The following TPST1 variants were observed in gnomAD, a reference collection of about 807,000 sequenced individuals.
TPST1 encodes protein-tyrosine sulfotransferase 1.
TPST1 carries 20 observed loss-of-function variants against 34.8 expected under a neutral mutation model. The observed-to-expected ratio is 0.57, with a 90% CI of 0.40 to 0.84. The LOEUF (loss-of-function observed/expected upper bound fraction) is 0.84. TPST1 is among the 40% of genes least tolerant of loss of function. TPST1 has a pLI of 0.00. For missense variants in TPST1, 353 were observed against 455.5 expected (o/e 0.78, Z 2.05); for synonymous variants, 152 against 159.4 (o/e 0.95, Z 0.35).
chr7:66,286,449 T>C, intron 2 of TPST1, 62 bp from the exon 3 acceptor site: 1 of 1,287,856 alleles, frequency 7.8e-7, no homozygotes. Flanking sequence ...TTATAGTGGT[T>C]TTAAAGCATG....
intron 3 of TPST1, among the ~76,000 whole-genome samples, chr7:66,325,351 G>T (rs1020669668): frequency 1.3e-5 from 2 of 152,084 alleles, no homozygotes; most frequent in Non-Finnish European, 2.9e-5. Context: ...GGGACACAAA[G>T]CCTAACCATA....
At chr7:66,279,382 G>A (rs565724153) in intron 2 of TPST1, among the ~76,000 whole-genome samples, 3 of 152,160 alleles carry the variant, frequency 2.0e-5, no homozygotes, top group African/African-American at 7.2e-5. Context: ...ACAGTGTTGC[G>A]ATGAACATAC....
chr7:66,258,271 T>C (rs1395539350), intron 2 of TPST1, among the ~76,000 whole-genome samples: 1 of 152,224 alleles, frequency 6.6e-6, no homozygotes, highest in African/African-American at 2.4e-5. Context: ...CTAAGTCCTG[T>C]TAAAATCCTT....
At chr7:66,275,205 A>T (rs1056990497) in intron 2 of TPST1, among the ~76,000 whole-genome samples, 2 of 150,506 alleles carry the variant, frequency 1.3e-5, no homozygotes, top group Non-Finnish European at 3.0e-5. Flanking sequence ...AAGAAAAAAT[A>T]AAAAAAAATA....
intron 3 of TPST1, among the ~76,000 whole-genome samples, chr7:66,329,865 A>G (rs930826967): frequency 1.3e-5 from 2 of 152,206 alleles, no homozygotes; most frequent in African/African-American, 2.4e-5. Flanking sequence ...CAAGTACCTC[A>G]TGTTCTCACT....
intron 1 of TPST1, among the ~76,000 whole-genome samples, chr7:66,222,492 A>G (rs1237502116): frequency 3.3e-5 from 5 of 152,210 alleles, no homozygotes; most frequent in African/African-American, 4.8e-5. Flanking sequence ...AGGAACTTAA[A>G]TAGTCTAGTG....
the TPST1 span, among the ~76,000 whole-genome samples, chr7:66,199,822 G>A: frequency 1.3e-5 from 2 of 151,094 alleles, no homozygotes; most frequent in African/African-American, 4.9e-5. Context: ...CAAGGAATCT[G>A]ACTGCCTCAG....
chr7:66,281,984 G>A lies in TPST1; in HGVS notation c.846-4527G>A, dbSNP rs538371050. Among the ~76,000 whole-genome samples, 5 of 152,280 alleles carry A rather than the reference G, an allele frequency of 3.3e-5. No individual in the cohort carries two copies. In the East Asian group the frequency reaches 9.6e-4, roughly 29 times the overall value. Reference sequence around the variant, plus strand: ...AAGGAAGCCTGGGCAGTTGGGACTGGGGAGAACTTGCTGAGTCACAGATAT... The same window carrying A: ...AAGGAAGCCTGGGCAGTTGGGACTGAGGAGAACTTGCTGAGTCACAGATAT... On this transcript the variant is annotated intron_variant, in intron 2 of 5. Transcript: ENST00000304842.
chr7:66,356,740 C>A, intron 4 of TPST1, 85 bp from the exon 5 acceptor site: 1 of 1,503,720 alleles, frequency 6.7e-7, no homozygotes, highest in Admixed American at 1.7e-5. Context: ...GCCTGCGGGC[C>A]ACCCCTCATG....
intron 3 of TPST1, among the ~76,000 whole-genome samples, chr7:66,298,157 G>T (rs1195670072): frequency 1.1e-4 from 16 of 152,142 alleles, no homozygotes; most frequent in Admixed American, 1.0e-3. Flanking sequence ...TTCTGTGATT[G>T]TTGCAGAGTT....
chr7:66,336,787 TACC>T (rs1792129784), intron 3 of TPST1, among the ~76,000 whole-genome samples: 1 of 152,054 alleles, frequency 6.6e-6, no homozygotes, highest in South Asian at 2.1e-4. Flanking sequence ...AAAGAAGAGA[TACC>T]TATGGCACAT....
chr7:66,357,717 T>C (rs1449117025), intron 5 of TPST1, among the ~76,000 whole-genome samples: 2 of 152,192 alleles, frequency 1.3e-5, no homozygotes, highest in Non-Finnish European at 2.9e-5. Flanking sequence ...CCACCCAAAC[T>C]TTCTTAAGAT....
rs1792509634 is a variant in TPST1, at chr7:66,352,847, G to A, written c.1095+292G>A. On this transcript the variant is annotated intron_variant, in intron 4 of 5. Transcript: ENST00000304842. ...CTTGAGGTCCTGCACAAGCCGCCCA[G>A]TGGGTAAAGCTGCTCCAGCGTTCCA... The A allele has an allele frequency of 8.1e-6, 8 of 985,328 alleles. No homozygotes were observed. The South Asian group carries it at 3.8e-4, about 46-fold the overall frequency. The allele number at this position is 985,328 out of a possible 1,614,324, so 61.0% of individuals were successfully genotyped here.
chr7:66,340,809 G>A (rs371906406), intron 3 of TPST1, among the ~76,000 whole-genome samples: 3 of 152,114 alleles, frequency 2.0e-5, no homozygotes, highest in South Asian at 2.1e-4. Flanking sequence ...TATGGAGTTC[G>A]AGACCAGCCT....
In TPST1 at chr7:66,350,309, C is replaced by G. The variant is rs1792449919; in HGVS notation, c.1045-2196C>G. Among the ~76,000 whole-genome samples, 3 of 152,180 alleles carry G rather than the reference C, an allele frequency of 2.0e-5. No homozygotes were observed. The South Asian group carries it at 6.2e-4, about 31-fold the overall frequency. On this transcript the variant is annotated intron_variant, in intron 3 of 5. Transcript: ENST00000304842. Reference sequence around the variant, plus strand: ...GGATTACAGGCATGAGCTACCGCGCCCAGCCGAACAAATGATTCTTATATG... The same window carrying G: ...GGATTACAGGCATGAGCTACCGCGCGCAGCCGAACAAATGATTCTTATATG...
chr7:66,266,320 G>A (rs968016791), intron 2 of TPST1, among the ~76,000 whole-genome samples: 23 of 151,836 alleles, frequency 1.5e-4, no homozygotes, highest in Admixed American at 5.9e-4. Flanking sequence ...AGTCCATAGG[G>A]AATGCAGTTT....
At chr7:66,220,018 G>A (rs1789507635) in intron 1 of TPST1, among the ~76,000 whole-genome samples, 1 of 152,128 alleles carries the variant, frequency 6.6e-6, no homozygotes, top group African/African-American at 2.4e-5. Flanking sequence ...ATCAATAAAG[G>A]GAGTGGATTA....
At chr7:66,286,842 TA>T (rs1562830391) in intron 3 of TPST1, 133 bp downstream of exon 3, 136 of 295,542 alleles carry the variant, frequency 4.6e-4, no homozygotes, top group African/African-American at 2.6e-3. Flanking sequence ...CATTTATTTT[TA>T]TTTTATTTTA....
intron 3 of TPST1, among the ~76,000 whole-genome samples, chr7:66,349,537 A>G (rs1290719614): frequency 6.6e-6 from 1 of 152,108 alleles, no homozygotes; most frequent in African/African-American, 2.4e-5. Context: ...GCGCCATTGC[A>G]CTCCAGCCTG....
Sources: gnomAD v4.1 joint callset for allele counts (sites outside exome capture counted in the v4.1 genomes callset) on GRCh38, gnomAD v4.1.1 for gene constraint, MANE v1.5 for transcripts, NCBI Gene and HGNC (gene_info 2026-07-23, HGNC 2026-07-21) for gene names.